Variants in CTNNA2 observed in about 807,000 individuals in gnomAD.
CTNNA2 encodes catenin alpha 2, also known as catenin alpha-2.
Under a neutral mutation model 101.0 loss-of-function variants are expected in CTNNA2, and 42 were observed. The ratio of observed to expected loss-of-function variants is 0.42; its 90% CI spans 0.32 to 0.54. The LOEUF (loss-of-function observed/expected upper bound fraction) is 0.54. Among genes scored for constraint, CTNNA2 ranks in the 20% least tolerant of loss-of-function variants. The pLI is 0.14. For synonymous variants in CTNNA2, 450 were observed against 456.4 expected (o/e 0.99, Z 0.18); for missense variants, 871 against 1,223.1 (o/e 0.71, Z 4.29).
At chr2:79,600,921 C>T (rs1433203361) in intron 1 of CTNNA2, among the ~76,000 whole-genome samples, 4 of 152,052 alleles carry the variant, frequency 2.6e-5, no homozygotes, top group Non-Finnish European at 2.9e-5. Flanking sequence ...GGGCTCTATC[C>T]TTATGATCTA....
intron 3 of CTNNA2, among the ~76,000 whole-genome samples, chr2:79,333,732 A>G (rs1209261951): frequency 1.3e-5 from 2 of 152,206 alleles, no homozygotes; most frequent in Non-Finnish European, 2.9e-5. Context: ...GATGAGTATT[A>G]AAAACAGTGA....
At chr2:79,280,044 A>G (rs190828999) in intron 2 of CTNNA2, among the ~76,000 whole-genome samples, 32 of 152,252 alleles carry the variant, frequency 2.1e-4, no homozygotes, top group Non-Finnish European at 4.4e-5. Context: ...TTTGTTTTCT[A>G]CATTAAAATG....
chr2:79,759,416 A>T (rs2105075522), intron 3 of CTNNA2, among the ~76,000 whole-genome samples: 1 of 152,084 alleles, frequency 6.6e-6, no homozygotes, highest in African/African-American at 2.4e-5. Flanking sequence ...TAATAAATAA[A>T]ATAAAATTGA....
intron 7 of CTNNA2, among the ~76,000 whole-genome samples, chr2:80,191,762 C>T (rs2148998677): frequency 6.6e-6 from 1 of 152,212 alleles, no homozygotes; most frequent in South Asian, 2.1e-4. Flanking sequence ...TATTTCAACA[C>T]TGCAGTGTAA....
chr2:80,152,808 C>CAACTT (rs1703787353), intron 7 of CTNNA2, among the ~76,000 whole-genome samples: 1 of 152,148 alleles, frequency 6.6e-6, no homozygotes, highest in Non-Finnish European at 1.5e-5. Flanking sequence ...GTGCAAGCCA[C>CAACTT]AACTTAGGCC....
At chr2:80,230,687 A>G (rs1345865757) in intron 7 of CTNNA2, among the ~76,000 whole-genome samples, 1 of 152,152 alleles carries the variant, frequency 6.6e-6, no homozygotes, top group Non-Finnish European at 1.5e-5. Flanking sequence ...TGTGGCCACA[A>G]GGCTTGGAAC....
intron 10 of CTNNA2, 22 bp from the exon 11 acceptor site, chr2:80,545,885 C>G: frequency 6.2e-7 from 1 of 1,611,148 alleles, no homozygotes; most frequent in Non-Finnish European, 8.5e-7. Context: ...CATCATGTCC[C>G]TGGATTGTTT....
chr2:80,259,914 T>A (rs1672468800), intron 7 of CTNNA2, among the ~76,000 whole-genome samples: 1 of 152,168 alleles, frequency 6.6e-6, no homozygotes, highest in Non-Finnish European at 1.5e-5. Context: ...GGTTTGAAAA[T>A]TAAAAGGTGT....
chr2:79,289,268 G>GT (rs1226237153), intron 2 of CTNNA2, among the ~76,000 whole-genome samples: 2 of 151,992 alleles, frequency 1.3e-5, no homozygotes, highest in African/African-American at 2.4e-5. Flanking sequence ...AAGGATGTTA[G>GT]TTTTTTTTCT....
At chr2:80,576,270 G>C (rs1230517227) in intron 13 of CTNNA2, 1 of 151,960 alleles carries the variant, frequency 6.6e-6, no homozygotes, top group Admixed American at 6.6e-5. Flanking sequence ...CCAGCTCCAG[G>C]CAACCCTCTG....
chr2:80,224,322 C>T (rs1262946563), intron 7 of CTNNA2, among the ~76,000 whole-genome samples: 2 of 152,212 alleles, frequency 1.3e-5, no homozygotes, highest in Non-Finnish European at 2.9e-5. Context: ...GCAAGATTCT[C>T]TCCACCTAAG....
At chr2:79,779,303 A>G (rs1011281193) in intron 3 of CTNNA2, among the ~76,000 whole-genome samples, 2 of 152,114 alleles carry the variant, frequency 1.3e-5, no homozygotes, top group Non-Finnish European at 2.9e-5. Context: ...GGCCTCTTCA[A>G]GAGGTTTTGC....
intron 7 of CTNNA2, among the ~76,000 whole-genome samples, chr2:80,100,506 G>A (rs1306867926): frequency 6.6e-6 from 1 of 152,068 alleles, no homozygotes; most frequent in African/African-American, 2.4e-5. Flanking sequence ...ACGTCTTCAA[G>A]CATTTTCTAT....
intron 1 of CTNNA2, among the ~76,000 whole-genome samples, chr2:79,194,497 C>T (rs1673933126): frequency 6.6e-6 from 1 of 152,144 alleles, no homozygotes; most frequent in African/African-American, 2.4e-5. Flanking sequence ...CAAGACACAC[C>T]CAATTCCCTA....
At chr2:79,230,798 G>A (rs1674481913) in intron 2 of CTNNA2, among the ~76,000 whole-genome samples, 1 of 152,200 alleles carries the variant, frequency 6.6e-6, no homozygotes, top group African/African-American at 2.4e-5. Flanking sequence ...AAGACTATGG[G>A]AACCCACCTC....
chr2:79,911,681 G>A (rs577437050), intron 7 of CTNNA2, among the ~76,000 whole-genome samples: 1 of 152,322 alleles, frequency 6.6e-6, no homozygotes, highest in African/African-American at 2.4e-5. Context: ...CATGGTTACA[G>A]ACAATACATC....
At chr2:80,308,714 G>A (rs1463023044) in intron 7 of CTNNA2, among the ~76,000 whole-genome samples, 1 of 152,102 alleles carries the variant, frequency 6.6e-6, no homozygotes, top group Non-Finnish European at 1.5e-5. Flanking sequence ...TAACTGCCAT[G>A]CTCTATGAAT....
At chr2:80,101,468 T>A (rs60735508) in intron 7 of CTNNA2, among the ~76,000 whole-genome samples, 25,135 of 152,198 alleles carry the variant, frequency 0.17, 3,005 homozygotes, top group African/African-American at 0.33. Flanking sequence ...TTTTATTATT[T>A]TTATCTTCTT....
At chr2:79,810,756 C>A (rs1480959561) in intron 3 of CTNNA2, among the ~76,000 whole-genome samples, 1 of 151,742 alleles carries the variant, frequency 6.6e-6, no homozygotes, top group Non-Finnish European at 1.5e-5. Context: ...CAATTCCCAC[C>A]TATGAGTGAG....
Sources: gnomAD v4.1 joint callset for allele counts (sites outside exome capture counted in the v4.1 genomes callset) on GRCh38, gnomAD v4.1.1 for gene constraint, MANE v1.5 for transcripts, NCBI Gene and HGNC (gene_info 2026-07-23, HGNC 2026-07-21) for gene names.